Variants in AATK observed in about 807,000 individuals in gnomAD.
The protein encoded by AATK is serine/threonine-protein kinase LMTK1.
A neutral mutation model predicts 114.3 loss-of-function variants in AATK; 91 were observed. The ratio of observed to expected loss-of-function variants is 0.80; its 90% confidence interval spans 0.67 to 0.95. The LOEUF is 0.95. AATK is among the 40% of genes least tolerant of loss of function. AATK has a pLI of 0.00. For synonymous variants in AATK, 1,075 were observed against 916.5 expected (o/e 1.17, Z -3.12); for missense variants, 2,176 against 1,965.2 (o/e 1.11, Z -2.03).
intron 1 of AATK, among the ~76,000 whole-genome samples, chr17:81,151,183 G>C (rs571127633): frequency 6.6e-6 from 1 of 152,096 alleles, no homozygotes; most frequent in Non-Finnish European, 1.5e-5. Flanking sequence ...TCTGAGGAAC[G>C]GAATTCCTAA....
At chr17:81,144,288 C>T (rs549604382) in intron 1 of AATK, among the ~76,000 whole-genome samples, 1 of 152,386 alleles carries the variant, frequency 6.6e-6, no homozygotes, top group East Asian at 1.9e-4. Flanking sequence ...ATCAGCAAAG[C>T]TGCAGATAGG....
At chr17:81,141,278 C>T (rs2061134192) in intron 1 of AATK, among the ~76,000 whole-genome samples, 2 of 152,098 alleles carry the variant, frequency 1.3e-5, no homozygotes, top group African/African-American at 4.8e-5. Flanking sequence ...GGTGAAATCC[C>T]GTCTCTACTA....
chr17:81,124,491 G>A (rs1568224488), intron 9 of AATK, among the ~76,000 whole-genome samples: 1 of 152,212 alleles, frequency 6.6e-6, no homozygotes, highest in Non-Finnish European at 1.5e-5. Flanking sequence ...AAGACGGGCC[G>A]TTGGCCCTGT....
intron 1 of AATK, among the ~76,000 whole-genome samples, chr17:81,152,065 G>A (rs1361238343): frequency 2.0e-5 from 3 of 151,780 alleles, no homozygotes; most frequent in African/African-American, 4.8e-5. Flanking sequence ...ACTTGAGGTC[G>A]GAAGTTCGAG....
chr17:81,124,771 A>G lies in AATK; in HGVS notation c.918T>C (p.His306=), dbSNP rs752259392. 19 of 1,612,750 alleles carry G rather than the reference A, an allele frequency of 1.2e-5. No homozygotes were observed. The South Asian group carries it at 1.3e-4, about 11-fold the overall frequency. Residue 306 remains histidine, a synonymous_variant, in exon 9 of 14, where the codon CAT becomes CAC. Transcript: ENST00000326724. ...TCTGGTCCACGACGAGCAGGTTGCT[A>G]TGCACCTCGTCCACCAGCTCTGGCG... ...WIAPELVDEV[H]SNLLVVDQTK...
chr17:81,135,284 T>C (rs909333976), intron 1 of AATK, among the ~76,000 whole-genome samples: 2 of 152,136 alleles, frequency 1.3e-5, no homozygotes, highest in African/African-American at 4.8e-5. Context: ...GGAAGCTCGG[T>C]CCATCTGCTG....
At chr17:81,119,279 G>GA in intron 13 of AATK, 101 bp downstream of exon 13, 1 of 1,276,252 alleles carries the variant, frequency 7.8e-7, no homozygotes, top group Non-Finnish European at 1.0e-6. Context: ...AGCGGAGCCG[G>GA]GGCTGGCCCG....
rs542603745 is a variant in AATK, at chr17:81,124,795, C to T, written c.894G>A (p.Ala298=). 5.1e-5 allele frequency: 83 copies of T among 1,612,674 alleles called. No homozygotes were observed. The East Asian group carries it at 7.4e-4, about 14-fold the overall frequency. The stretch of plus-strand genomic sequence containing the variant: ...TATGCACCTCGTCCACCAGCTCTGG[C>T]GCGATCCAGCGCAGAGGCACCCACA... ...DQLWVPLRWI[A]PELVDEVHSN... Residue 298 remains alanine, a synonymous_variant, in exon 9 of 14, where the codon GCG becomes GCA. Coordinates refer to ENST00000326724, the MANE Select transcript of AATK (RefSeq NM_001080395.3).
rs991114398 is a variant in AATK at position 81,119,943 on chromosome 17, C to A, written c.3876G>T (p.Ala1292=). ...QADGSPNGST[A]EEGGGFAWDD... ...AGCCCCGCCCCTGCTCACCCTCTTC[C>A]GCTGTGGAGCCATTTGGGGAGCCAT... Residue 1292 remains alanine, a synonymous_variant, in exon 12 of 14, where the codon GCG becomes GCT. Transcript: ENST00000326724. 7 of 1,443,642 alleles carry A rather than the reference C, an allele frequency of 4.8e-6. No homozygotes were observed. Among genetic ancestry groups the A allele is most frequent in the Non-Finnish European group, 6.4e-6 (7 of 1,100,566 alleles). The allele number at this position is 1,443,642 out of a possible 1,614,324, so 89.4% of individuals were successfully genotyped here. A position where few individuals can be genotyped will look rare whatever the true frequency, so the allele number is the denominator to read the frequency against.
chr17:81,123,625 C>T (rs2146292295), intron 9 of AATK, among the ~76,000 whole-genome samples: 1 of 152,202 alleles, frequency 6.6e-6, no homozygotes, highest in African/African-American at 2.4e-5. Flanking sequence ...TTCACTGATG[C>T]ACTGAAGACC....
chr17:81,151,435 G>A (rs1049526620), intron 1 of AATK, among the ~76,000 whole-genome samples: 4 of 152,082 alleles, frequency 2.6e-5, no homozygotes, highest in East Asian at 3.9e-4. Flanking sequence ...GGCCGGGGAC[G>A]CGTGCACACA....
chr17:81,118,268 G>C lies in AATK; in HGVS notation c.*134C>G, dbSNP rs1018999287. On this transcript the variant is annotated 3_prime_UTR_variant, in exon 14 of 14. Coordinates refer to ENST00000326724, the MANE Select transcript of AATK (RefSeq NM_001080395.3). ...CCCACGGGCTTCTCCAGGACACCGCGTGGGGCAGAGGCACCTGAATCTGCT... is the reference window on the plus strand; with the variant it reads ...CCCACGGGCTTCTCCAGGACACCGCCTGGGGCAGAGGCACCTGAATCTGCT... 2.3e-6 allele frequency: 2 copies of C among 877,252 alleles called. No homozygotes were observed. The highest frequency in any genetic ancestry group is 3.6e-6 in the Non-Finnish European group (2 of 562,920). 54.3% of individuals were successfully genotyped at this position (877,252 alleles called of 1,614,324 possible).
intron 1 of AATK, among the ~76,000 whole-genome samples, chr17:81,150,830 C>T (rs2146390462): frequency 6.6e-6 from 1 of 152,308 alleles, no homozygotes. Context: ...CCCCTTTCCC[C>T]CGTCTGGTGA....
Position 81,119,442 on chromosome 17 carries a change from G to A in AATK, c.4022C>T (p.Pro1341Leu). 6.6e-7 allele frequency: 1 copy of A among 1,519,552 alleles called. No homozygotes were observed. Among genetic ancestry groups the A allele is most frequent in the African/African-American group, 1.5e-5 (1 of 68,606 alleles). 94.1% of individuals were successfully genotyped at this position (1,519,552 alleles called of 1,614,324 possible). A position where few individuals can be genotyped will look rare whatever the true frequency, so the allele number is the denominator to read the frequency against. Residue 1341 changes from proline to leucine, a missense_variant, in exon 13 of 14, where the codon CCC becomes CTC. By Grantham distance (98) the Pro-to-Leu change is moderately conservative. This residue lies in a region of AATK where 1,701 missense variants were observed against 1,394.7 expected (regional missense o/e 1.22). Coordinates refer to ENST00000326724, the MANE Select transcript of AATK (RefSeq NM_001080395.3). ...PAPFSRFTVSPAPTSRFSITH... is the reference protein window; with the variant it reads ...PAPFSRFTVSLAPTSRFSITH... ...GATGGAGAAGCGGGACGTGGGCGCG[G>A]GCGACACCGTGAAGCGCGAGAAGGG...
At chr17:81,144,032 G>A (rs534488263) in intron 1 of AATK, among the ~76,000 whole-genome samples, 5 of 152,100 alleles carry the variant, frequency 3.3e-5, no homozygotes, top group African/African-American at 9.7e-5. Context: ...GGTGGCCAGG[G>A]TGGCCAGCAC....
Position 81,149,368 on chromosome 17 carries a change from C to T in AATK, c.56-14867G>A, listed in dbSNP as rs531421731. 3.9e-5 allele frequency among the ~76,000 whole-genome samples: 6 copies of T among 152,290 alleles called. No individual in the cohort carries two copies. In the East Asian group the frequency reaches 9.6e-4, roughly 24 times the overall value. On this transcript the variant is annotated intron_variant, in intron 1 of 13. Transcript: ENST00000326724. ...ACACAGCTGAGGCTAGTTCCCCATG[C>T]GGTCCTGCCTCCTGCCCTCCCCGGC...
chr17:81,137,930 ACACGCACACATCCACACG>A (rs1367242798), intron 1 of AATK, among the ~76,000 whole-genome samples: 2 of 149,790 alleles, frequency 1.3e-5, no homozygotes, highest in Non-Finnish European at 3.0e-5. Context: ...GCACACAGCC[ACACGCACACATCCACACG>A]CACGCACACA....
rs747739874 is a variant in AATK at position 81,120,454 on chromosome 17, T to C, written c.3482A>G (p.Glu1161Gly). 1 of 1,552,256 alleles carries C rather than the reference T, an allele frequency of 6.4e-7. No homozygotes were observed. The highest frequency in any genetic ancestry group is 8.7e-7 in the Non-Finnish European group (1 of 1,144,942). ...PAALEGRPEE[E>G]EEDSEDSDES... ...GTCGCTGTCCTCACTGTCCTCCTCC[T>C]CCTCCTCCGGCCGGCCCTCCAAGGC... Residue 1161 changes from glutamate (E) to glycine (G), a missense_variant, in exon 11 of 14, where the codon GAG (glutamate) becomes GGG (glycine). Glu to Gly is a moderately conservative substitution (Grantham distance 98). This residue lies in a region of AATK where 1,701 missense variants were observed against 1,394.7 expected (regional missense o/e 1.22). Transcript: ENST00000326724.
chr17:81,127,541 G>T, intron 6 of AATK, 42 bp downstream of exon 6: 1 of 1,549,688 alleles, frequency 6.5e-7, no homozygotes, highest in Non-Finnish European at 8.7e-7. Context: ...GGAGGGCCCC[G>T]GCTCAGCAAA....
Sources: allele counts gnomAD v4.1 joint callset (sites outside exome capture counted in the v4.1 genomes callset), GRCh38; gene constraint gnomAD v4.1.1; regional missense constraint gnomAD v4.1.1; transcripts MANE v1.5; gene names NCBI Gene and HGNC (gene_info 2026-07-23, HGNC 2026-07-21).